LRFN1: variants seen among roughly 807,000 people sequenced by gnomAD.
LRFN1 encodes leucine rich repeat and fibronectin type III domain containing 1, also known as leucine-rich repeat and fibronectin type III domain-containing protein 1.
LRFN1 carries 20 observed loss-of-function variants against 31.8 expected under a neutral mutation model. The ratio of observed to expected loss-of-function variants is 0.63; its 90% CI spans 0.44 to 0.91. The LOEUF is 0.91. LRFN1 is among the 40% of genes least tolerant of loss of function. LRFN1 has a pLI of 0.00. For synonymous variants in LRFN1, 514 were observed against 541.3 expected (o/e 0.95, Z 0.70); for missense variants, 912 against 1,129.8 (o/e 0.81, Z 2.76).
chr19:39,315,296 G>T lies in LRFN1; in HGVS notation c.41C>A (p.Pro14Gln). 2 of 1,495,396 alleles carry T rather than the reference G, an allele frequency of 1.3e-6. No individual in the cohort carries two copies. Among genetic ancestry groups the T allele is most frequent in the East Asian group, 2.4e-5 (1 of 41,512 alleles). The allele number at this position is 1,495,396 out of a possible 1,614,324, so 92.6% of individuals were successfully genotyped here. ...CAGCAGAAAGGGCAGGGCAGCGGGCGGCGGCGAGAGGAGGGCCGAGGAGAA... is the reference window on the plus strand; with the variant it reads ...CAGCAGAAAGGGCAGGGCAGCGGGCTGCGGCGAGAGGAGGGCCGAGGAGAA... ...GPFSSALLSP[P>Q]PAALPFLLLL... is the part of the protein sequence containing the mutation. Residue 14 changes from proline (P) to glutamine (Q), a missense_variant, in exon 4 of 5, where the codon CCG (proline) becomes CAG (glutamine). By Grantham distance (76) the Pro-to-Gln change is moderately conservative (BLOSUM62 -1). This residue lies in a region of LRFN1 where 401 missense variants were observed against 572.7 expected (regional missense o/e 0.70). Coordinates refer to ENST00000248668, the MANE Select transcript of LRFN1 (RefSeq NM_020862.2). This position sits in a 1 kb window ranked among gnomAD's most constrained non-coding sequence, Gnocchi z 4.7.
chr19:39,308,150 G>T lies in LRFN1; in HGVS notation c.1799C>A (p.Pro600Gln), dbSNP rs746474635. The T allele has an allele frequency of 6.5e-7, 1 of 1,542,144 alleles. No individual in the cohort carries two copies. The highest frequency in any genetic ancestry group is 1.3e-5 in the South Asian group (1 of 79,986). The change falls in exon 5 of 5, where the codon CCG becomes CAG. Residue 600 changes from proline to glutamine, a missense_variant. By Grantham distance (76) the Pro-to-Gln change is moderately conservative. Transcript: ENST00000248668. This position sits in a 1 kb window ranked among gnomAD's most constrained non-coding sequence, Gnocchi z 6.2. ...GTGAAQAPALPAQDHYEALRE... is the reference protein window; with the variant it reads ...GTGAAQAPALQAQDHYEALRE... ...CAGCGCCTCGTAGTGGTCCTGGGCC[G>T]GCAGGGCCGGGGCCTGTGCCGCGCC...
Position 39,315,522 on chromosome 19 carries a change from A to T in LRFN1, c.-37-149T>A, listed in dbSNP as rs1001584208. ...AGCCACTATCAGCTATTAACAACAG[A>T]TTACAACACTTCCATGCTGGGCACA... On this transcript the variant is annotated intron_variant, in intron 3 of 4. Transcript: ENST00000248668. The surrounding 1 kb of genome is among the most constrained non-coding windows in gnomAD (Gnocchi z 4.7). The T allele has an allele frequency of 3.1e-5, 17 of 551,866 alleles. No homozygotes were observed. The highest frequency in any genetic ancestry group is 6.6e-5 in the Admixed American group (2 of 30,286). The allele number at this position is 551,866 out of a possible 1,614,324, so 34.2% of individuals were successfully genotyped here.
intron 4 of LRFN1, among the ~76,000 whole-genome samples, chr19:39,310,412 C>A (rs765188361): frequency 7.2e-5 from 11 of 152,224 alleles, no homozygotes; most frequent in Non-Finnish European, 1.6e-4. Context: ...CATCACACCT[C>A]GTGTTGGCCA....
In LRFN1 at chr19:39,313,960, G is replaced by A. The variant is rs374218256; in HGVS notation, c.1377C>T (p.Asn459=). ...AGACGAGGGAGTCATCAACGGAACT[G>A]TTGTACTGAACCTGGTACATGCGTA... ...PGIRMYQVQY[N]SSVDDSLVYR... is the part of the protein sequence containing the mutation. Residue 459 remains asparagine, a synonymous_variant, in exon 4 of 5, where the codon AAC becomes AAT. Coordinates refer to ENST00000248668, the MANE Select transcript of LRFN1 (RefSeq NM_020862.2). 3 of 1,599,850 alleles carry A rather than the reference G, an allele frequency of 1.9e-6. No homozygotes were observed. Among genetic ancestry groups the A allele is most frequent in the Non-Finnish European group, 2.6e-6 (3 of 1,172,632 alleles).
In LRFN1 at chr19:39,308,803, A is replaced by T. The variant is rs369640487; in HGVS notation, c.1407-261T>A. ...CTGGGACAATATATCTATCATTCGT[A>T]TTACCTCCTCTGCATATCCCGGCCC... On this transcript the variant is annotated intron_variant, in intron 4 of 4. Transcript: ENST00000248668. This position sits in a 1 kb window ranked among gnomAD's most constrained non-coding sequence, Gnocchi z 6.2. Among the ~76,000 whole-genome samples, 11 of 152,108 alleles carry T rather than the reference A, an allele frequency of 7.2e-5. No homozygotes were observed. In the East Asian group the frequency reaches 1.5e-3, roughly 21 times the overall value.
Position 39,308,323 on chromosome 19 carries a change from G to T in LRFN1, c.1626C>A (p.Gly542=), listed in dbSNP as rs1479594959. The change falls in exon 5 of 5, where the codon GGC becomes GGA. Residue 542 remains glycine (G), a synonymous_variant. Transcript: ENST00000248668. This position sits in a 1 kb window ranked among gnomAD's most constrained non-coding sequence, Gnocchi z 6.2. ...LGGTMIIAIG[G]VIVASVLVFI... ...AGACGAGGACCGAGGCGACGATGACGCCCCCGATGGCGATGATCATGGTGC... is the reference window on the plus strand; with the variant it reads ...AGACGAGGACCGAGGCGACGATGACTCCCCCGATGGCGATGATCATGGTGC... 6.2e-7 allele frequency: 1 copy of T among 1,613,142 alleles called. No individual in the cohort carries two copies. Among genetic ancestry groups the T allele is most frequent in the Non-Finnish European group, 8.5e-7 (1 of 1,179,638 alleles).
In LRFN1 at chr19:39,307,561, G is replaced by C; in HGVS notation, c.*72C>G. 1 of 1,334,298 alleles carries C rather than the reference G, an allele frequency of 7.5e-7. No homozygotes were observed. Among genetic ancestry groups the C allele is most frequent in the Non-Finnish European group, 9.6e-7 (1 of 1,043,502 alleles). The allele number at this position is 1,334,298 out of a possible 1,614,324, so 82.7% of individuals were successfully genotyped here. ...TGTCTTGGCGCTGCGCTTTCTCCCAGTCCCGCCCCAGCGTCCGTGCGGCTG... is the reference window on the plus strand; with the variant it reads ...TGTCTTGGCGCTGCGCTTTCTCCCACTCCCGCCCCAGCGTCCGTGCGGCTG... On this transcript the variant is annotated 3_prime_UTR_variant, in exon 5 of 5. Coordinates refer to ENST00000248668, the MANE Select transcript of LRFN1 (RefSeq NM_020862.2). The surrounding 1 kb of genome is among the most constrained non-coding windows in gnomAD (Gnocchi z 6.7).
Position 39,315,519 on chromosome 19 carries a change from C to G in LRFN1, c.-37-146G>C. 1 of 555,476 alleles carries G rather than the reference C, an allele frequency of 1.8e-6. No homozygotes were observed. The highest frequency in any genetic ancestry group is 3.1e-6 in the Non-Finnish European group (1 of 321,530). The allele number at this position is 555,476 out of a possible 1,614,324, so 34.4% of individuals were successfully genotyped here. On this transcript the variant is annotated intron_variant, in intron 3 of 4. Transcript: ENST00000248668. The surrounding 1 kb of genome is among the most constrained non-coding windows in gnomAD (Gnocchi z 4.7). ...GGAAGCCACTATCAGCTATTAACAA[C>G]AGATTACAACACTTCCATGCTGGGC...
Position 39,314,201 on chromosome 19 carries a change from G to A in LRFN1, c.1136C>T (p.Ala379Val), listed in dbSNP as rs748647106. ...TCIASNAAGEATAPVEVCVVP... is the reference protein window; with the variant it reads ...TCIASNAAGEVTAPVEVCVVP... ...CACGCACACCTCCACGGGCGCCGTC[G>A]CTTCCCCAGCAGCATTGGAGGCGAT... Residue 379 changes from alanine (A) to valine (V), a missense_variant, in exon 4 of 5, where the codon GCG becomes GTG. This residue lies in a region of LRFN1 where 401 missense variants were observed against 572.7 expected (regional missense o/e 0.70). Coordinates refer to ENST00000248668, the MANE Select transcript of LRFN1 (RefSeq NM_020862.2). The A allele has an allele frequency of 8.7e-6, 14 of 1,613,176 alleles. No individual in the cohort carries two copies. The highest frequency in any genetic ancestry group is 3.3e-5 in the Admixed American group (2 of 59,992).
At chr19:39,316,641 C>T (rs1430017485) in intron 2 of LRFN1, among the ~76,000 whole-genome samples, 3 of 152,066 alleles carry the variant, frequency 2.0e-5, no homozygotes, top group Non-Finnish European at 2.9e-5. Context: ...TCATCCTGGG[C>T]TCAGTTGAGC....
rs1484706149 is a variant in LRFN1 at position 39,308,012 on chromosome 19, G to A, written c.1937C>T (p.Ser646Leu). Reference sequence around the variant, plus strand: ...TGGCAGCAGGCACAGCGAGGTGGCCGAGCCGCCCAGAGAACGTCCAAGGAC... The same window carrying A: ...TGGCAGCAGGCACAGCGAGGTGGCCAAGCCGCCCAGAGAACGTCCAAGGAC... ...EVVLGRSLGGSATSLCLLPSE... is the reference protein window; with the variant it reads ...EVVLGRSLGGLATSLCLLPSE... The change falls in exon 5 of 5, where the codon TCG (serine) becomes TTG (leucine). Residue 646 changes from serine (S) to leucine (L), a missense_variant. Physicochemically the swap from Ser to Leu is moderately radical, Grantham distance 145 (BLOSUM62 -2). Transcript: ENST00000248668. This position sits in a 1 kb window ranked among gnomAD's most constrained non-coding sequence, Gnocchi z 6.2. 2 of 1,568,556 alleles carry A rather than the reference G, an allele frequency of 1.3e-6. No individual in the cohort carries two copies. The highest frequency in any genetic ancestry group is 1.1e-5 in the South Asian group (1 of 87,808).
rs1475274810 is a variant in LRFN1 at position 39,315,115 on chromosome 19, G to A, written c.222C>T (p.Asp74=). Residue 74 remains aspartate, a synonymous_variant, in exon 4 of 5, where the codon GAC becomes GAT. Coordinates refer to ENST00000248668, the MANE Select transcript of LRFN1 (RefSeq NM_020862.2). This position sits in a 1 kb window ranked among gnomAD's most constrained non-coding sequence, Gnocchi z 4.7. ...GGCGGCGCACGGCGGCGATGAAGTT[G>A]TCGGTGAGCCGCAGCTCCACCACGC... ...DRRVVELRLT[D]NFIAAVRRRD... is the part of the protein sequence containing the mutation. 3 of 1,593,792 alleles carry A rather than the reference G, an allele frequency of 1.9e-6. No homozygotes were observed. Among genetic ancestry groups the A allele is most frequent in the Admixed American group, 1.7e-5 (1 of 59,308 alleles).
At position 39,308,694 on chromosome 19, in the gene LRFN1, C is replaced by T. The variant is rs531512884; in HGVS notation, c.1407-152G>A. Reference sequence around the variant, plus strand: ...AACAGCAGCAATTCAAGCCCCGCCTCCATCAACATATTCCCACCCTTTCAC... The same window carrying T: ...AACAGCAGCAATTCAAGCCCCGCCTTCATCAACATATTCCCACCCTTTCAC... On this transcript the variant is annotated intron_variant, in intron 4 of 4. Transcript: ENST00000248668. This position sits in a 1 kb window ranked among gnomAD's most constrained non-coding sequence, Gnocchi z 6.2. Among the ~76,000 whole-genome samples, 17 of 152,298 alleles carry T rather than the reference C, an allele frequency of 1.1e-4. No individual in the cohort carries two copies. The South Asian group carries it at 2.9e-3, about 26-fold the overall frequency.
intron 4 of LRFN1, among the ~76,000 whole-genome samples, chr19:39,310,831 C>CTCCA (rs2075148165): frequency 6.6e-6 from 1 of 152,166 alleles, no homozygotes; most frequent in African/African-American, 2.4e-5. Context: ...GTCATCCCAC[C>CTCCA]TCCAGGAGGT....
Position 39,308,447 on chromosome 19 carries a change from G to A in LRFN1, c.1502C>T (p.Ala501Val), listed in dbSNP as rs753089255. Residue 501 changes from alanine (A) to valine (V), a missense_variant, in exon 5 of 5, where the codon GCC becomes GTC. Coordinates refer to ENST00000248668, the MANE Select transcript of LRFN1 (RefSeq NM_020862.2). This position sits in a 1 kb window ranked among gnomAD's most constrained non-coding sequence, Gnocchi z 6.2. Reference protein sequence around the residue: ...LCVLAVYDDGATALPATRVVG... With the variant: ...LCVLAVYDDGVTALPATRVVG... ...CACTCGCGTTGCCGGCAGCGCTGTG[G>A]CCCCGTCGTCGTAGACCGCCAGCAC... 4 of 1,610,240 alleles carry A rather than the reference G, an allele frequency of 2.5e-6. No homozygotes were observed. The highest frequency in any genetic ancestry group is 1.7e-6 in the Non-Finnish European group (2 of 1,179,616).
intron 4 of LRFN1, among the ~76,000 whole-genome samples, chr19:39,309,478 CAA>C (rs71169583): frequency 0.052 from 1,654 of 31,816 alleles, 17 homozygotes; most frequent in African/African-American, 0.098. Flanking sequence ...ACAAACAAAC[CAA>C]AAAAAAAAAA....
Position 39,308,417 on chromosome 19 carries a change from C to G in LRFN1, c.1532G>C (p.Gly511Ala), listed in dbSNP as rs1446463078. 1 of 1,611,326 alleles carries G rather than the reference C, an allele frequency of 6.2e-7. No homozygotes were observed. ...ATALPATRVV[G>A]CVQFTTAGDP... The stretch of plus-strand genomic sequence containing the variant: ...CCCAGCGGTGGTGAACTGTACACAG[C>G]CCACCACTCGCGTTGCCGGCAGCGC... The change falls in exon 5 of 5, where the codon GGC becomes GCC. Residue 511 changes from glycine (G) to alanine (A), a missense_variant. Physicochemically the swap from Gly to Ala is moderately conservative, Grantham distance 60 (BLOSUM62 0). Coordinates refer to ENST00000248668, the MANE Select transcript of LRFN1 (RefSeq NM_020862.2). The surrounding 1 kb of genome is among the most constrained non-coding windows in gnomAD (Gnocchi z 6.2).
At position 39,307,621 on chromosome 19, in the gene LRFN1, C is replaced by A; in HGVS notation, c.*12G>T. On this transcript the variant is annotated 3_prime_UTR_variant, in exon 5 of 5. Coordinates refer to ENST00000248668, the MANE Select transcript of LRFN1 (RefSeq NM_020862.2). This position sits in a 1 kb window ranked among gnomAD's most constrained non-coding sequence, Gnocchi z 6.7. ...TCTGCGGCACCCAGGCGTCCCGGCG[C>A]CCGCCCGCCGCTCACACGGTACTCT... The A allele has an allele frequency of 7.2e-7, 1 of 1,387,052 alleles. No homozygotes were observed. The highest frequency in any genetic ancestry group is 9.3e-7 in the Non-Finnish European group (1 of 1,077,986). The allele number at this position is 1,387,052 out of a possible 1,614,324, so 85.9% of individuals were successfully genotyped here. A position where few individuals can be genotyped will look rare whatever the true frequency, so the allele number is the denominator to read the frequency against.
chr19:39,313,486 C>G (rs112338954), intron 4 of LRFN1, among the ~76,000 whole-genome samples: 5 of 152,250 alleles, frequency 3.3e-5, no homozygotes, highest in African/African-American at 1.2e-4. Context: ...GAGCTGAGTT[C>G]GTGCCACTGC....
Sources: gnomAD v4.1 joint callset for allele counts (sites outside exome capture counted in the v4.1 genomes callset) on GRCh38, gnomAD v4.1.1 for gene constraint, gnomAD v4.1.1 regional missense constraint, Gnocchi (gnomAD v3.1) non-coding constraint, MANE v1.5 for transcripts, NCBI Gene and HGNC (gene_info 2026-07-23, HGNC 2026-07-21) for gene names.